The following PDE10A variants were observed in gnomAD, a reference collection of about 807,000 sequenced individuals.
PDE10A encodes phosphodiesterase 10A.
A neutral mutation model predicts 97.7 loss-of-function variants in PDE10A; 39 were observed. The ratio of observed to expected loss-of-function variants is 0.40; its 90% CI spans 0.31 to 0.52. The LOEUF (loss-of-function observed/expected upper bound fraction) is 0.52. Among genes scored for constraint, PDE10A ranks in the 20% least tolerant of loss-of-function variants. The probability of loss-of-function intolerance (pLI) is 0.56; values close to 1 mark genes in which losing one functional copy is unlikely to be tolerated. For missense variants in PDE10A, 731 were observed against 1,047.8 expected, an observed-to-expected ratio of 0.70 and a Z score of 4.17; for synonymous variants, 371 against 376.8, an observed-to-expected ratio of 0.98 and a Z score of 0.18.
chr6:165,848,624 CACTAT>C (rs1282409997), intron 1 of PDE10A, among the ~76,000 whole-genome samples: 1 of 152,180 alleles, frequency 6.6e-6, no homozygotes, highest in Non-Finnish European at 1.5e-5. Context: ...GGTGATGCTC[CACTAT>C]ACACTCCTCC....
chr6:165,425,770 CGTGTGTGTGT>C (rs57229720), intron 10 of PDE10A, among the ~76,000 whole-genome samples: 4 of 144,036 alleles, frequency 2.8e-5, no homozygotes, highest in African/African-American at 1.0e-4. Context: ...AAGGCATGAT[CGTGTGTGTGT>C]GTGTGTGTGT....
chr6:165,663,942 G>A (rs1790424003), upstream of PDE10A, among the ~76,000 whole-genome samples: 1 of 152,236 alleles, frequency 6.6e-6, no homozygotes, highest in Non-Finnish European at 1.5e-5. Flanking sequence ...GCCGCCAGAA[G>A]TTTGGGGAAG....
At chr6:165,801,591 G>A (rs1457294207) in intron 1 of PDE10A, among the ~76,000 whole-genome samples, 1 of 152,094 alleles carries the variant, frequency 6.6e-6, no homozygotes, top group Non-Finnish European at 1.5e-5. Context: ...TTGCCATAAC[G>A]GACTTGCTGA....
intron 2 of PDE10A, among the ~76,000 whole-genome samples, chr6:165,511,204 A>C (rs1440828705): frequency 6.6e-6 from 1 of 151,912 alleles, no homozygotes; most frequent in Non-Finnish European, 1.5e-5. Flanking sequence ...TGTATACGAC[A>C]GGTTTTGGTA....
At position 165,499,573 on chromosome 6, in the gene PDE10A, A is replaced by C. The variant is rs146606182; in HGVS notation, c.995-17230T>G. ...AATTCTGAATTAAGACTTTTTACCTATTTTAAAACTATTAGCAGCTTATGG... is the reference window on the plus strand; with the variant it reads ...AATTCTGAATTAAGACTTTTTACCTCTTTTAAAACTATTAGCAGCTTATGG... On this transcript the variant is annotated intron_variant, in intron 2 of 21. Coordinates refer to ENST00000539869, the MANE Select transcript of PDE10A (RefSeq NM_001385079.1). Among the ~76,000 whole-genome samples, 70 of 152,310 alleles carry C rather than the reference A, an allele frequency of 4.6e-4. 1 individual carries two copies. In the East Asian group the frequency reaches 0.011, roughly 23 times the overall value.
At chr6:165,730,445 T>G (rs568487489) in intron 1 of PDE10A, among the ~76,000 whole-genome samples, 1 of 152,276 alleles carries the variant, frequency 6.6e-6, no homozygotes, top group South Asian at 2.1e-4. Flanking sequence ...AATGCAAGCA[T>G]ATGTCCAATT....
At chr6:165,718,810 G>A (rs935364495) in intron 1 of PDE10A, among the ~76,000 whole-genome samples, 12 of 152,016 alleles carry the variant, frequency 7.9e-5, no homozygotes, top group Admixed American at 7.2e-4. Context: ...GAATGGCTAA[G>A]GATAACAAGA....
chr6:165,409,611 A>C (rs1787562442), intron 13 of PDE10A: 1 of 162,244 alleles, frequency 6.2e-6, no homozygotes, highest in Admixed American at 6.5e-5. Flanking sequence ...TGATCTCGGA[A>C]GCTAAGCAGG....
At chr6:165,645,973 A>G (rs1288353508) in intron 1 of PDE10A, among the ~76,000 whole-genome samples, 1 of 152,138 alleles carries the variant, frequency 6.6e-6, no homozygotes, top group African/African-American at 2.4e-5. Flanking sequence ...GCCCTTATAT[A>G]AGGTAGGAAA....
intron 1 of PDE10A, among the ~76,000 whole-genome samples, chr6:165,855,513 C>G (rs1780707251): frequency 6.6e-6 from 1 of 151,518 alleles, no homozygotes; most frequent in African/African-American, 2.4e-5. Flanking sequence ...ACAGCTGCAC[C>G]CCCACGCAGC....
At chr6:165,692,041 T>C (rs1300330403) in intron 1 of PDE10A, among the ~76,000 whole-genome samples, 1 of 152,234 alleles carries the variant, frequency 6.6e-6, no homozygotes, top group Admixed American at 6.5e-5. Flanking sequence ...CCTATCTCTT[T>C]GTCATTTTAA....
intron 1 of PDE10A, among the ~76,000 whole-genome samples, chr6:165,816,035 T>C (rs544082366): frequency 2.3e-4 from 35 of 152,180 alleles, no homozygotes; most frequent in Non-Finnish European, 3.4e-4. Context: ...CTGCAAGCTC[T>C]GCCTCCCGGA....
chr6:165,971,858 T>C (rs946892315), intron 1 of PDE10A, among the ~76,000 whole-genome samples: 5 of 152,176 alleles, frequency 3.3e-5, no homozygotes, highest in Non-Finnish European at 4.4e-5. Flanking sequence ...TTTACCTCTG[T>C]ACCTATCAAA....
intron 1 of PDE10A, among the ~76,000 whole-genome samples, chr6:165,985,793 A>T (rs958140752): frequency 6.6e-6 from 1 of 152,132 alleles, no homozygotes; most frequent in Non-Finnish European, 1.5e-5. Flanking sequence ...GAGGGAAAAC[A>T]GTCAGCTGTC....
chr6:165,418,281 T>C lies in PDE10A; in HGVS notation c.1796+354A>G, dbSNP rs765764781. Among the ~76,000 whole-genome samples the C allele has an allele frequency of 1.3e-5, 2 of 152,188 alleles. No individual in the cohort carries two copies. The highest frequency in any genetic ancestry group is 2.4e-5 in the African/African-American group (1 of 41,454). ...CGGTTGGGAAGAAGTAGGGGCCGAA[T>C]TGCATAAGCACACCTTTTCTCTTGG... On this transcript the variant is annotated intron_variant, in intron 11 of 21. Transcript: ENST00000539869. This position sits in a 1 kb window ranked among gnomAD's most constrained non-coding sequence, Gnocchi z 4.8.
Position 165,379,202 on chromosome 6 carries a change from T to C in PDE10A, c.2775A>G (p.Gln925=), listed in dbSNP as rs1784791101. 1.2e-6 allele frequency: 2 copies of C among 1,601,312 alleles called. No homozygotes were observed. The highest frequency in any genetic ancestry group is 1.7e-6 in the Non-Finnish European group (2 of 1,174,938). Residue 925 remains glutamine, a synonymous_variant, in exon 18 of 22, where the codon CAA becomes CAG. Coordinates refer to ENST00000539869, the MANE Select transcript of PDE10A (RefSeq NM_001385079.1). ...YQTGSLNLNN[Q]SHRDRVIGLM... is the part of the protein sequence containing the mutation. ...TTAAAAATTATTTTTACCTATGTGA[T>C]TGATTATTAAGGTTTAGTGATCCGG... is the stretch of plus-strand genomic sequence containing the variant.
At chr6:165,335,214 G>C (rs936232515) in intron 21 of PDE10A, among the ~76,000 whole-genome samples, 1 of 152,172 alleles carries the variant, frequency 6.6e-6, no homozygotes, top group Non-Finnish European at 1.5e-5. Flanking sequence ...GAATCTAGAA[G>C]AGATAACGAT....
intron 1 of PDE10A, among the ~76,000 whole-genome samples, chr6:165,685,890 G>A (rs1421706575): frequency 6.6e-6 from 1 of 152,182 alleles, no homozygotes; most frequent in Admixed American, 6.5e-5. Context: ...TTTATAAGAT[G>A]ACATGACTGA....
intron 1 of PDE10A, among the ~76,000 whole-genome samples, chr6:165,745,947 TA>T (rs1328906593): frequency 6.6e-6 from 1 of 152,246 alleles, no homozygotes; most frequent in Non-Finnish European, 1.5e-5. Context: ...GCTCCTTTTT[TA>T]TATCTTAAGC....
Sources: allele counts gnomAD v4.1 joint callset (sites outside exome capture counted in the v4.1 genomes callset), GRCh38; gene constraint gnomAD v4.1.1; non-coding constraint Gnocchi (gnomAD v3.1); transcripts MANE v1.5; gene names NCBI Gene and HGNC (gene_info 2026-07-23, HGNC 2026-07-21).